ENPP2: variants seen among roughly 807,000 people sequenced by gnomAD.
ENPP2 encodes autotaxin.
ENPP2 carries 51 observed loss-of-function variants against 120.2 expected under a neutral mutation model. The observed-to-expected ratio is 0.42, with a 90% CI of 0.34 to 0.54. The LOEUF (loss-of-function observed/expected upper bound fraction) is 0.54, where lower values mean the gene tolerates loss of function less well. Ranked by LOEUF, ENPP2 falls within the 20% of genes least tolerant of loss-of-function variation. The pLI, the probability that ENPP2 is intolerant of heterozygous loss-of-function variation, is 0.04. For synonymous variants in ENPP2, 365 were observed against 366.4 expected (o/e 1.00, Z 0.04); for missense variants, 920 against 1,066.5 (o/e 0.86, Z 1.91).
In ENPP2 at chr8:119,649,176, A is replaced by C. The variant is rs555197533; in HGVS notation, c.22-10649T>G. ...TGGGAGGCGGAGGTGGGCGGATCAC[A>C]AGGTCAGGAGATCGGGAGCATCCTG... On this transcript the variant is annotated intron_variant, in intron 1 of 25. Coordinates refer to the ENPP2 transcript ENST00000427067. 1.6e-3 allele frequency among the ~76,000 whole-genome samples: 244 copies of C among 151,676 alleles called. 6 individuals carry two copies. Among genetic ancestry groups the C allele is most frequent in the Non-Finnish European group, 9.0e-4 (61 of 67,870 alleles).
chr8:119,594,479 A>G (rs919436849), intron 11 of ENPP2, among the ~76,000 whole-genome samples: 5 of 152,226 alleles, frequency 3.3e-5, no homozygotes, highest in African/African-American at 1.2e-4. Context: ...AGAATCTATA[A>G]GAGTCCTAAC....
At chr8:119,629,174 C>G (rs898353777) in intron 2 of ENPP2, among the ~76,000 whole-genome samples, 27 of 150,948 alleles carry the variant, frequency 1.8e-4, no homozygotes, top group African/African-American at 6.6e-4. Flanking sequence ...TGTATATGTA[C>G]AAAATATATA....
intron 23 of ENPP2, 105 bp from the exon 24 acceptor site, chr8:119,563,118 C>T: frequency 2.3e-6 from 2 of 886,228 alleles, no homozygotes; most frequent in East Asian, 2.7e-5. Flanking sequence ...AAAATTAATC[C>T]CCATTCAATT....
At chr8:119,639,089 C>T (rs1032780812), upstream of ENPP2, among the ~76,000 whole-genome samples, 1 of 152,130 alleles carries the variant, frequency 6.6e-6, no homozygotes, top group African/African-American at 2.4e-5. Flanking sequence ...TGGCCCATAA[C>T]AGTGCATGTT....
At chr8:119,673,323 T>G in exon 1 of ENPP2, 1 of 1,532,638 alleles carries the variant, frequency 6.5e-7, no homozygotes, top group Non-Finnish European at 8.7e-7. Flanking sequence ...GGACGCGGCC[T>G]GGGCTGCAGC....
chr8:119,635,536 A>G (rs995210826), intron 2 of ENPP2, among the ~76,000 whole-genome samples: 25 of 152,254 alleles, frequency 1.6e-4, no homozygotes, highest in Admixed American at 1.3e-4. Context: ...AGACATATAA[A>G]GTCTCTTGCA....
At chr8:119,671,442 T>C (rs1818244988) in intron 1 of ENPP2, among the ~76,000 whole-genome samples, 1 of 151,814 alleles carries the variant, frequency 6.6e-6, no homozygotes, top group Non-Finnish European at 1.5e-5. Flanking sequence ...AGTATAACAG[T>C]GGTGGGGGAG....
At chr8:119,588,301 G>A (rs1813255818) in intron 13 of ENPP2, among the ~76,000 whole-genome samples, 1 of 152,010 alleles carries the variant, frequency 6.6e-6, no homozygotes, top group Non-Finnish European at 1.5e-5. Flanking sequence ...AGGCAGGGGT[G>A]GGTGGATCAC....
intron 3 of ENPP2, among the ~76,000 whole-genome samples, chr8:119,625,752 T>C (rs1173331845): frequency 6.6e-6 from 1 of 152,204 alleles, no homozygotes; most frequent in Non-Finnish European, 1.5e-5. Context: ...TGAAATATTG[T>C]GCTTTGAAAA....
chr8:119,557,574 G>A lies in ENPP2; in HGVS notation c.2539C>T (p.Pro847Ser), dbSNP rs1813566522. ...TATGTCTTGAGTGTCAGGATTTCTG[G>A]GTAGCTGCGGCTGGTCTTTCGGAAG... ...DFFRKTSRSY[P>S]EILTLKTYLH... The change falls in exon 25 of 25, where the codon CCA becomes TCA. Residue 847 changes from proline (P) to serine (S), a missense_variant. Transcript: ENST00000075322. 6.2e-7 allele frequency: 1 copy of A among 1,613,038 alleles called. No homozygotes were observed. The highest frequency in any genetic ancestry group is 1.7e-5 in the Admixed American group (1 of 59,986).
rs114766257 is a variant in ENPP2, at chr8:119,657,927, C to T, written c.21+15325G>A. ...TCACAGCTGCACAATAGGATTTTGC[C>T]TTGTGCATTTACACACACAACGTGG... On this transcript the variant is annotated intron_variant, in intron 1 of 25. Transcript: ENST00000427067. 2.8e-3 allele frequency among the ~76,000 whole-genome samples: 428 copies of T among 152,234 alleles called. 1 individual carries two copies. The highest frequency in any genetic ancestry group is 9.9e-3 in the African/African-American group (410 of 41,542).
intron 8 of ENPP2, among the ~76,000 whole-genome samples, chr8:119,609,932 T>C (rs1479796541): frequency 6.6e-6 from 1 of 152,184 alleles, no homozygotes; most frequent in Non-Finnish European, 1.5e-5. Flanking sequence ...GTAGAATACA[T>C]GCTGATGTTG....
chr8:119,650,157 A>G (rs1161896887), intron 1 of ENPP2, among the ~76,000 whole-genome samples: 2 of 152,216 alleles, frequency 1.3e-5, no homozygotes, highest in African/African-American at 4.8e-5. Flanking sequence ...ACTCAGCAAT[A>G]AAAAGGAATG....
intron 2 of ENPP2, among the ~76,000 whole-genome samples, chr8:119,628,021 T>C (rs896555077): frequency 6.6e-6 from 1 of 151,204 alleles, no homozygotes; most frequent in Admixed American, 6.6e-5. Context: ...TCATGAAACT[T>C]GAAAAAATTT....
At chr8:119,636,323 T>C (rs1332241291) in intron 2 of ENPP2, among the ~76,000 whole-genome samples, 1 of 152,220 alleles carries the variant, frequency 6.6e-6, no homozygotes, top group Non-Finnish European at 1.5e-5. Context: ...GTTTACTAAG[T>C]ACATCCTTGA....
chr8:119,569,152 C>T (rs946004569), intron 21 of ENPP2, 83 bp downstream of exon 21: 1 of 1,373,598 alleles, frequency 7.3e-7, no homozygotes, highest in East Asian at 2.4e-5. Context: ...TGAAGAAAAC[C>T]CAAGCCACTG....
intron 5 of ENPP2, chr8:119,618,476 T>C: frequency 2.6e-6 from 1 of 390,610 alleles, no homozygotes; most frequent in South Asian, 1.9e-5. Flanking sequence ...ATCACCCATA[T>C]TTAATTCTCT....
chr8:119,586,380 C>T (rs919852695), intron 14 of ENPP2, 67 bp from the exon 15 acceptor site: 28 of 1,486,008 alleles, frequency 1.9e-5, no homozygotes, highest in Non-Finnish European at 2.5e-5. Flanking sequence ...CAAATTCTCT[C>T]TCTAGAAAGC....
Position 119,557,552 on chromosome 8 carries a change from G to A in ENPP2, c.2561C>T (p.Thr854Ile). Residue 854 changes from threonine (T) to isoleucine (I), a missense_variant, in exon 25 of 25, where the codon ACA (threonine) becomes ATA (isoleucine). Thr to Ile is a moderately conservative substitution (Grantham distance 89, BLOSUM62 -1). Coordinates refer to ENST00000075322, the MANE Select transcript of ENPP2 (RefSeq NM_001040092.3). The part of the protein sequence containing the change: ...RSYPEILTLK[T>I]YLHTYESEI ...CTCGCTCTCATATGTATGCAGGTAT[G>A]TCTTGAGTGTCAGGATTTCTGGGTA... 3 of 1,613,340 alleles carry A rather than the reference G, an allele frequency of 1.9e-6. No homozygotes were observed. The highest frequency in any genetic ancestry group is 2.5e-6 in the Non-Finnish European group (3 of 1,179,962).
Sources: gnomAD v4.1 joint callset for allele counts (sites outside exome capture counted in the v4.1 genomes callset) on GRCh38, gnomAD v4.1.1 for gene constraint, MANE v1.5 for transcripts, NCBI Gene and HGNC (gene_info 2026-07-23, HGNC 2026-07-21) for gene names.